DSG2: variants seen among roughly 807,000 people sequenced by gnomAD.
The protein encoded by DSG2 is desmoglein 2.
Under a neutral mutation model 75.6 loss-of-function variants are expected in DSG2, and 45 were observed. The ratio of observed to expected loss-of-function variants is 0.60; its 90% CI spans 0.47 to 0.76. The LOEUF is 0.76. Among genes scored for constraint, DSG2 ranks in the 30% least tolerant of loss-of-function variants. The probability of loss-of-function intolerance (pLI) is 0.00; values close to 1 mark genes in which losing one functional copy is unlikely to be tolerated. For missense variants in DSG2, 1,267 were observed against 1,357.4 expected (o/e 0.93, Z 1.05); for synonymous variants, 429 against 483.9 (o/e 0.89, Z 1.49).
Position 31,542,687 on chromosome 18 carries a change from C to A in DSG2, c.2169C>A (p.Ser723Arg). Residue 723 changes from serine (S) to arginine (R), a missense_variant, in exon 14 of 15, where the codon AGC (serine) becomes AGA (arginine). By Grantham distance (110) the Ser-to-Arg change is moderately radical. Transcript: ENST00000261590. ...ATGGAAGGTGGGAAGAACACAGAAG[C>A]CTGCTTTCTGGTAGAGCTACCCAGT... ...EMDGRWEEHR[S>R]LLSGRATQFT... 1 of 1,614,186 alleles carries A rather than the reference C, an allele frequency of 6.2e-7. No homozygotes were observed. Among genetic ancestry groups the A allele is most frequent in the South Asian group, 1.1e-5 (1 of 91,080 alleles).
At position 31,548,446 on chromosome 18, in the gene DSG2, TC is replaced by T. The variant is rs2073330247; in HGVS notation, c.*1706del. On this transcript the variant is annotated 3_prime_UTR_variant, in exon 15 of 15. Transcript: ENST00000261590. ...CATGCAAAGGATTTATATAGTGTGC[TC>T]CCACTAACTGTACAGATCAGGACAC... is the stretch of plus-strand genomic sequence containing the variant. The T allele has an allele frequency of 8.6e-6, 1 of 116,374 alleles. No individual in the cohort carries two copies. The highest frequency in any genetic ancestry group is 1.7e-5 in the Non-Finnish European group (1 of 58,722). The allele number at this position is 116,374 out of a possible 1,614,324, so 7.2% of individuals were successfully genotyped here.
In DSG2 at chr18:31,522,250, G is replaced by A. The variant is rs750176752; in HGVS notation, c.690+1G>A. 8 of 1,612,546 alleles carry A rather than the reference G, an allele frequency of 5.0e-6. No homozygotes were observed. Among genetic ancestry groups the A allele is most frequent in the East Asian group, 2.2e-5 (1 of 44,810 alleles). On this transcript the variant is annotated splice_donor_variant, in intron 6 of 14. Transcript: ENST00000261590. LOFTEE classifies it high-confidence loss of function. ...AACCAGTGTTACCTTGGACAGAGAG[G>A]TAAGTTAATATGTTATGTTGCCCAT...
In DSG2 at chr18:31,519,843, A is replaced by T. The variant is rs777373864; in HGVS notation, c.122A>T (p.His41Leu). 43 of 1,614,090 alleles carry T rather than the reference A, an allele frequency of 2.7e-5. No individual in the cohort carries two copies. The highest frequency in any genetic ancestry group is 3.5e-5 in the Non-Finnish European group (41 of 1,180,036). ...TRNENKLLPK[H>L]PHLVRQKRAW... ...AATGAAAATAAGCTGCTTCCTAAAC[A>T]TCCTCATTTAGTGCGGCAAAAGCGC... The change falls in exon 3 of 15, where the codon CAT becomes CTT. Residue 41 changes from histidine to leucine, a missense_variant. His to Leu is a moderately conservative substitution (Grantham distance 99). Coordinates refer to ENST00000261590, the MANE Select transcript of DSG2 (RefSeq NM_001943.5).
At chr18:31,515,142 G>A (rs193035547) in intron 1 of DSG2, among the ~76,000 whole-genome samples, 56 of 152,076 alleles carry the variant, frequency 3.7e-4, no homozygotes, top group African/African-American at 1.2e-3. Flanking sequence ...TCACTCTGTC[G>A]CCCAGACTAG....
At position 31,524,434 on chromosome 18, in the gene DSG2, T is replaced by G. The variant is rs1485246314; in HGVS notation, c.691-14T>G. 6.2e-7 allele frequency: 1 copy of G among 1,614,136 alleles called. No individual in the cohort carries two copies. The highest frequency in any genetic ancestry group is 8.5e-7 in the Non-Finnish European group (1 of 1,179,994). On this transcript the variant is annotated splice_polypyrimidine_tract_variant and intron_variant, in intron 6 of 14. Coordinates refer to ENST00000261590, the MANE Select transcript of DSG2 (RefSeq NM_001943.5). ...CTCTTTTCACCCAGCTGGACATTTT[T>G]CATTGCTCTGCAGGAACACAGCAGC...
At chr18:31,516,030 G>A (rs114336906) in intron 1 of DSG2, among the ~76,000 whole-genome samples, 1,651 of 152,312 alleles carry the variant, frequency 0.011, 28 homozygotes, top group African/African-American at 0.037. Context: ...TGCATAAATG[G>A]AAGGTGGAGT....
At chr18:31,538,173 TAGTA>T (rs1467541204) in intron 11 of DSG2, among the ~76,000 whole-genome samples, 2 of 152,034 alleles carry the variant, frequency 1.3e-5, no homozygotes, top group East Asian at 3.9e-4. Flanking sequence ...TGTAAACAGT[TAGTA>T]AGGGTTTGTT....
chr18:31,546,426 G>T lies in DSG2; in HGVS notation c.3040G>T (p.Val1014Phe), dbSNP rs200830807. Residue 1014 changes from valine (V) to phenylalanine (F), a missense_variant, in exon 15 of 15, where the codon GTC (valine) becomes TTC (phenylalanine). Val to Phe is a conservative substitution (Grantham distance 50). Transcript: ENST00000261590. Reference sequence around the variant, plus strand: ...TCAGCATCTTCAAGATGTACCTTACGTCATGGTGAGGGAAAGAGAGAGCTT... The same window carrying T: ...TCAGCATCTTCAAGATGTACCTTACTTCATGGTGAGGGAAAGAGAGAGCTT... ...GTQHLQDVPY[V>F]MVRERESFLA... 1 of 1,614,068 alleles carries T rather than the reference G, an allele frequency of 6.2e-7. No individual in the cohort carries two copies.
chr18:31,521,023 T>C lies in DSG2; in HGVS notation c.378+59T>C, dbSNP rs898581714. The C allele has an allele frequency of 1.6e-5, 25 of 1,608,342 alleles. No homozygotes were observed. The African/African-American group carries it at 2.9e-4, about 19-fold the overall frequency. ...AGTTTTTCTGTCATAATAAGTGTCA[T>C]TTGTTTTATTTTTTCATAGTATGGT... On this transcript the variant is annotated intron_variant, in intron 4 of 14. Coordinates refer to ENST00000261590, the MANE Select transcript of DSG2 (RefSeq NM_001943.5).
intron 1 of DSG2, among the ~76,000 whole-genome samples, chr18:31,506,607 C>T (rs540657474): frequency 6.6e-6 from 1 of 152,276 alleles, no homozygotes; most frequent in South Asian, 2.1e-4. Flanking sequence ...TTAAACTGCC[C>T]AGTGAAAAGA....
chr18:31,528,487 G>A (rs1309652599), intron 8 of DSG2, among the ~76,000 whole-genome samples: 1 of 152,072 alleles, frequency 6.6e-6, no homozygotes, highest in African/African-American at 2.4e-5. Flanking sequence ...CGAGGTTGGG[G>A]GATCACCTGA....
chr18:31,499,306 C>T (rs77632019), intron 1 of DSG2, among the ~76,000 whole-genome samples: 1,956 of 151,980 alleles, frequency 0.013, 30 homozygotes, highest in African/African-American at 0.043. Flanking sequence ...TTCTAACTTC[C>T]AAAACATGAG....
intron 8 of DSG2, among the ~76,000 whole-genome samples, chr18:31,528,972 C>T (rs769071258): frequency 6.6e-5 from 10 of 151,940 alleles, no homozygotes; most frequent in Non-Finnish European, 8.8e-5. Flanking sequence ...TCATGCTGTA[C>T]ACTTAAAATG....
At position 31,546,909 on chromosome 18, in the gene DSG2, C is replaced by T; in HGVS notation, c.*166C>T. The T allele has an allele frequency of 1.4e-6, 1 of 738,374 alleles. No homozygotes were observed. Among genetic ancestry groups the T allele is most frequent in the Non-Finnish European group, 2.4e-6 (1 of 418,772 alleles). The allele number at this position is 738,374 out of a possible 1,614,324, so 45.7% of individuals were successfully genotyped here. On this transcript the variant is annotated 3_prime_UTR_variant, in exon 15 of 15. Coordinates refer to ENST00000261590, the MANE Select transcript of DSG2 (RefSeq NM_001943.5). ...TATGCAAAGGACCACACTGTCTCTG[C>T]TTCCAGGAGTATTTTAGAAATGTTC...
At chr18:31,505,435 A>G (rs2073033888) in intron 1 of DSG2, among the ~76,000 whole-genome samples, 1 of 152,220 alleles carries the variant, frequency 6.6e-6, no homozygotes, top group Non-Finnish European at 1.5e-5. Flanking sequence ...TTCCTACCTC[A>G]TAGTAGTTTG....
chr18:31,536,526 A>G (rs2073232069), intron 11 of DSG2, 97 bp downstream of exon 11: 2 of 1,316,060 alleles, frequency 1.5e-6, no homozygotes, highest in Non-Finnish European at 1.1e-6. Flanking sequence ...TATATTTCCA[A>G]TATAGTTTTT....
intron 5 of DSG2, among the ~76,000 whole-genome samples, chr18:31,521,624 G>A (rs1229461389): frequency 2.0e-5 from 3 of 152,118 alleles, no homozygotes; most frequent in Admixed American, 2.0e-4. Flanking sequence ...TTGCTGACCT[G>A]TAAGTTGTAT....
intron 1 of DSG2, among the ~76,000 whole-genome samples, chr18:31,509,811 G>A (rs2073057398): frequency 6.6e-6 from 1 of 152,154 alleles, no homozygotes; most frequent in Admixed American, 6.5e-5. Flanking sequence ...TGTGGCTATG[G>A]ACGCTACTAC....
chr18:31,501,145 T>C (rs916129724), intron 1 of DSG2, among the ~76,000 whole-genome samples: 1 of 152,248 alleles, frequency 6.6e-6, no homozygotes, highest in Non-Finnish European at 1.5e-5. Context: ...TTAAAAATGC[T>C]GATAACTATT....
Sources: allele counts gnomAD v4.1 joint callset (sites outside exome capture counted in the v4.1 genomes callset), GRCh38; gene constraint gnomAD v4.1.1; transcripts MANE v1.5; gene names NCBI Gene and HGNC (gene_info 2026-07-23, HGNC 2026-07-21).